Variants in SVEP1 observed in about 807,000 individuals in gnomAD.
SVEP1 encodes the protein sushi, von Willebrand factor type A, EGF and pentraxin domain-containing protein 1.
Under a neutral mutation model 367.3 loss-of-function variants are expected in SVEP1, and 164 were observed. That is an observed-to-expected ratio of 0.45 (90% CI 0.39 to 0.51). The LOEUF (loss-of-function observed/expected upper bound fraction) is 0.51, where lower values mean the gene tolerates loss of function less well. SVEP1 is among the 20% of genes least tolerant of loss of function. The probability of loss-of-function intolerance (pLI) is 0.00; values close to 1 mark genes in which losing one functional copy is unlikely to be tolerated. For synonymous variants in SVEP1, 1,666 were observed against 1,611.6 expected (o/e 1.03, Z -0.81); for missense variants, 4,117 against 4,425.3 (o/e 0.93, Z 1.98).
intron 43 of SVEP1, among the ~76,000 whole-genome samples, chr9:110,384,814 T>G (rs1286205052): frequency 4.6e-5 from 7 of 152,100 alleles, no homozygotes; most frequent in Admixed American, 2.0e-4. Flanking sequence ...GGCGTGCAAG[T>G]GTACTGAAGA....
Position 110,411,530 on chromosome 9 carries a change from A to G in SVEP1, c.6181T>C (p.Cys2061Arg). ...YSLADNSQLL[C>R]NAQGKWVPPE... ...GGTACCCACTTGCCCTGGGCATTGCAGAGAAGCTGGGAATTGTCTGCTAGG... is the reference window on the plus strand; with the variant it reads ...GGTACCCACTTGCCCTGGGCATTGCGGAGAAGCTGGGAATTGTCTGCTAGG... The change falls in exon 37 of 48, where the codon TGC becomes CGC. Residue 2061 changes from cysteine (C) to arginine (R), a missense_variant. Transcript: ENST00000374469. 1 of 1,614,044 alleles carries G rather than the reference A, an allele frequency of 6.2e-7. No individual in the cohort carries two copies. The highest frequency in any genetic ancestry group is 8.5e-7 in the Non-Finnish European group (1 of 1,179,896).
intron 43 of SVEP1, among the ~76,000 whole-genome samples, chr9:110,384,616 A>C (rs1411397961): frequency 6.6e-6 from 1 of 150,406 alleles, no homozygotes; most frequent in Non-Finnish European, 1.5e-5. Flanking sequence ...CAAATCTATA[A>C]GAAATCTATA....
chr9:110,392,210 A>T (rs77047947), intron 40 of SVEP1, among the ~76,000 whole-genome samples: 1 of 148,846 alleles, frequency 6.7e-6, no homozygotes, highest in African/African-American at 2.5e-5. Flanking sequence ...GACTAATGCA[A>T]TGTCTCTTAT....
intron 1 of SVEP1, among the ~76,000 whole-genome samples, chr9:110,557,680 A>G (rs1830372124): frequency 6.6e-6 from 1 of 152,216 alleles, no homozygotes; most frequent in South Asian, 2.1e-4. Flanking sequence ...AGTGTTTCCA[A>G]CAAACAATGA....
At position 110,404,732 on chromosome 9, in the gene SVEP1, A is replaced by G. The variant is rs1036389457; in HGVS notation, c.9441-180T>C. On this transcript the variant is annotated intron_variant, in intron 38 of 47. Coordinates refer to ENST00000374469, the MANE Select transcript of SVEP1 (RefSeq NM_153366.4). ...ATGCAAAAACACCAACATAACAATA[A>G]CAACCAGTTGAGCTGGGTGCGGTGG... Among the ~76,000 whole-genome samples the G allele has an allele frequency of 3.3e-5, 5 of 152,152 alleles. No homozygotes were observed. The East Asian group carries it at 5.8e-4, about 18-fold the overall frequency.
At chr9:110,527,299 A>T (rs535152226) in intron 3 of SVEP1, among the ~76,000 whole-genome samples, 37 of 151,908 alleles carry the variant, frequency 2.4e-4, no homozygotes, top group East Asian at 9.6e-4. Flanking sequence ...TGTAATAAAA[A>T]TTTTTTTTTA....
At chr9:110,512,459 G>A (rs926614873) in intron 5 of SVEP1, among the ~76,000 whole-genome samples, 2 of 151,996 alleles carry the variant, frequency 1.3e-5, no homozygotes, top group Non-Finnish European at 2.9e-5. Flanking sequence ...AGGCTCCTTG[G>A]ACTCTCGCTT....
At chr9:110,496,023 C>T (rs1829440722) in intron 8 of SVEP1, among the ~76,000 whole-genome samples, 1 of 152,160 alleles carries the variant, frequency 6.6e-6, no homozygotes, top group South Asian at 2.1e-4. Flanking sequence ...GTCAAGTAAT[C>T]TTAGTGGCTA....
At chr9:110,434,240 G>T in intron 30 of SVEP1, 96 bp downstream of exon 30, 1 of 1,316,830 alleles carries the variant, frequency 7.6e-7, no homozygotes, top group Non-Finnish European at 1.0e-6. Context: ...ATTTGCTACT[G>T]TGAAGTATTC....
intron 14 of SVEP1, 57 bp downstream of exon 14, chr9:110,476,147 T>G: frequency 9.2e-7 from 1 of 1,092,392 alleles, no homozygotes; most frequent in Non-Finnish European, 1.4e-6. Context: ...TTTTCTGGAA[T>G]TATTCTTATT....
At chr9:110,424,335 T>C (rs2986668) in intron 36 of SVEP1, among the ~76,000 whole-genome samples, 129,345 of 152,106 alleles carry the variant, frequency 0.85, 55,553 homozygotes, top group African/African-American at 0.97. Flanking sequence ...TTACATGTAT[T>C]GAGAGGGATA....
intron 3 of SVEP1, among the ~76,000 whole-genome samples, chr9:110,515,530 G>A (rs1312919566): frequency 6.6e-6 from 1 of 151,994 alleles, no homozygotes; most frequent in Non-Finnish European, 1.5e-5. Context: ...TCAATCTCCT[G>A]ACCTCATGAT....
intron 6 of SVEP1, among the ~76,000 whole-genome samples, chr9:110,500,137 C>T (rs1697654337): frequency 1.3e-5 from 2 of 152,110 alleles, no homozygotes; most frequent in Admixed American, 6.5e-5. Flanking sequence ...ATCATACTTC[C>T]TCCATGAAAT....
chr9:110,525,806 C>A (rs1176229972), intron 3 of SVEP1, among the ~76,000 whole-genome samples: 1 of 151,490 alleles, frequency 6.6e-6, no homozygotes, highest in Non-Finnish European at 1.5e-5. Context: ...ACTTTAAGTT[C>A]TGGGATACAT....
At position 110,408,539 on chromosome 9, in the gene SVEP1, A is replaced by C. The variant is rs774698893; in HGVS notation, c.7061T>G (p.Val2354Gly). The change falls in exon 38 of 48, where the codon GTC becomes GGC. Residue 2354 changes from valine to glycine, a missense_variant. Coordinates refer to ENST00000374469, the MANE Select transcript of SVEP1 (RefSeq NM_153366.4). The stretch of plus-strand genomic sequence containing the variant: ...TTTCAGGACAGAGGGGCCTTGCAGG[A>C]CATGCCCTTCTTTACAGGAAAATGT... ...VVTFSCKEGH[V>G]LQGPSVLKCL... The C allele has an allele frequency of 6.2e-7, 1 of 1,613,980 alleles. No homozygotes were observed. The highest frequency in any genetic ancestry group is 8.5e-7 in the Non-Finnish European group (1 of 1,179,886).
chr9:110,554,759 T>C (rs146819277), intron 1 of SVEP1, among the ~76,000 whole-genome samples: 2,704 of 152,196 alleles, frequency 0.018, 42 homozygotes, highest in Non-Finnish European at 0.024. Flanking sequence ...TGTGTATGTA[T>C]GTATTTACAT....
chr9:110,463,046 CCTTA>C (rs938217758), intron 18 of SVEP1, among the ~76,000 whole-genome samples: 4 of 151,978 alleles, frequency 2.6e-5, no homozygotes, highest in African/African-American at 9.7e-5. Flanking sequence ...ATTTTGTACA[CCTTA>C]ATTATAGATC....
At chr9:110,430,107 C>CTTTTTTT in intron 33 of SVEP1, 103 bp from the exon 34 acceptor site, 1 of 964,346 alleles carries the variant, frequency 1.0e-6, no homozygotes, top group Non-Finnish European at 1.5e-6. Flanking sequence ...TGTTTGTTTT[C>CTTTTTTT]TTTTTTTTTT....
At chr9:110,489,195 G>C (rs1047575003) in intron 9 of SVEP1, among the ~76,000 whole-genome samples, 18 of 152,152 alleles carry the variant, frequency 1.2e-4, no homozygotes, top group African/African-American at 4.3e-4. Context: ...CAGTGACAAG[G>C]GAGTTGTTGA....
Sources: allele counts gnomAD v4.1 joint callset (sites outside exome capture counted in the v4.1 genomes callset), GRCh38; gene constraint gnomAD v4.1.1; transcripts MANE v1.5; gene names NCBI Gene and HGNC (gene_info 2026-07-23, HGNC 2026-07-21).